TRIM26: variants seen among roughly 807,000 people sequenced by gnomAD.
The protein encoded by TRIM26 is tripartite motif containing 26, also known as tripartite motif-containing protein 26.
Under a neutral mutation model 45.5 loss-of-function variants are expected in TRIM26, and 16 were observed. The ratio of observed to expected loss-of-function variants is 0.35; its 90% CI spans 0.24 to 0.53. The LOEUF is 0.53. Among genes scored for constraint, TRIM26 ranks in the 20% least tolerant of loss-of-function variants. The probability of loss-of-function intolerance (pLI) is 0.92; values close to 1 mark genes in which losing one functional copy is unlikely to be tolerated. For missense variants in TRIM26, 442 were observed against 691.1 expected, an observed-to-expected ratio of 0.64 and a Z score of 4.04; for synonymous variants, 273 against 290.4, an observed-to-expected ratio of 0.94 and a Z score of 0.61.
At position 30,184,545 on chromosome 6, in the gene TRIM26, C is replaced by T. The variant is rs763838656; in HGVS notation, c.*1331G>A. ...TACAAGAGTAGTATAAGATGTTATC[C>T]GCCCTCCAGGAGCTTACAAAACTAG... On this transcript the variant is annotated 3_prime_UTR_variant, in exon 10 of 10. Coordinates refer to ENST00000454678, the MANE Select transcript of TRIM26 (RefSeq NM_003449.5). 3.4e-4 allele frequency: 52 copies of T among 152,476 alleles called. No homozygotes were observed. The highest frequency in any genetic ancestry group is 1.2e-3 in the African/African-American group (48 of 41,432). The allele number at this position is 152,476 out of a possible 1,614,324, so 9.4% of individuals were successfully genotyped here.
At chr6:30,199,829 G>A (rs1173737238) in intron 3 of TRIM26, among the ~76,000 whole-genome samples, 1 of 152,046 alleles carries the variant, frequency 6.6e-6, no homozygotes, top group Non-Finnish European at 1.5e-5. Flanking sequence ...GTAGAGACGG[G>A]GTTTCACCGT....
intron 6 of TRIM26, among the ~76,000 whole-genome samples, chr6:30,193,025 T>C (rs564892856): frequency 6.7e-6 from 1 of 148,640 alleles, no homozygotes; most frequent in African/African-American, 2.5e-5. Flanking sequence ...TCTGCTTTTA[T>C]ATCAATACAT....
At position 30,198,235 on chromosome 6, in the gene TRIM26, A is replaced by C. The variant is rs998192833; in HGVS notation, c.534+194T>G. Reference sequence around the variant, plus strand: ...GCAGCCCACTTGTCTCTCAGACAAGAAACAGGCCCAAGACTACACGGCTCA... The same window carrying C: ...GCAGCCCACTTGTCTCTCAGACAAGCAACAGGCCCAAGACTACACGGCTCA... On this transcript the variant is annotated intron_variant, in intron 5 of 9. Coordinates refer to ENST00000454678, the MANE Select transcript of TRIM26 (RefSeq NM_003449.5). The surrounding 1 kb of genome is among the most constrained non-coding windows in gnomAD (Gnocchi z 6.3). Among the ~76,000 whole-genome samples, 15 of 152,224 alleles carry C rather than the reference A, an allele frequency of 9.9e-5. No homozygotes were observed. Among genetic ancestry groups the C allele is most frequent in the Admixed American group, 8.5e-4 (13 of 15,302 alleles).
Position 30,186,458 on chromosome 6 carries a change from C to A in TRIM26, c.1038G>T (p.Leu346=). The change falls in exon 10 of 10, where the codon CTG becomes CTT. Residue 346 remains leucine (L), a synonymous_variant. Transcript: ENST00000454678. The surrounding 1 kb of genome is among the most constrained non-coding windows in gnomAD (Gnocchi z 7.4). ...TYTSLYKSAY[L]HPQQFDCEPG... Reference sequence around the variant, plus strand: ...GCTCACAGTCAAACTGCTGGGGGTGCAGGTAGGCACTCTTGTACAGGCTGG... The same window carrying A: ...GCTCACAGTCAAACTGCTGGGGGTGAAGGTAGGCACTCTTGTACAGGCTGG... 1 of 1,593,474 alleles carries A rather than the reference C, an allele frequency of 6.3e-7. No homozygotes were observed. The highest frequency in any genetic ancestry group is 1.1e-5 in the South Asian group (1 of 86,984).
chr6:30,189,690 A>G lies in TRIM26; in HGVS notation c.789-157T>C. 2 of 685,830 alleles carry G rather than the reference A, an allele frequency of 2.9e-6. No homozygotes were observed. Among genetic ancestry groups the G allele is most frequent in the South Asian group, 3.7e-5 (2 of 54,258 alleles). The allele number at this position is 685,830 out of a possible 1,614,324, so 42.5% of individuals were successfully genotyped here. ...AACAGTGGCCCAAAGACACCAGCTG[A>G]ACCAGGGCTTCAGAACATCAGTAGA... On this transcript the variant is annotated intron_variant, in intron 7 of 9. Coordinates refer to ENST00000454678, the MANE Select transcript of TRIM26 (RefSeq NM_003449.5). This position sits in a 1 kb window ranked among gnomAD's most constrained non-coding sequence, Gnocchi z 5.0.
chr6:30,185,884 T>A lies in TRIM26; in HGVS notation c.1612A>T (p.Arg538Ter). ...GGGGCAGATGTCAGGGCTCAGGGTC[T>A]TAGCAGGAGGCGTGTTCCTGGCCAC... Reference protein sequence around the residue: ...LKWPGTRLLLRP With the variant: ...LKWPGTRLLL Residue 538 changes from arginine (R) to a stop codon, truncating the protein, a stop_gained, in exon 10 of 10, where the codon AGA becomes TGA. Transcript: ENST00000454678. LOFTEE classifies it high-confidence loss of function. This position sits in a 1 kb window ranked among gnomAD's most constrained non-coding sequence, Gnocchi z 5.7. 1 of 1,611,564 alleles carries A rather than the reference T, an allele frequency of 6.2e-7. No individual in the cohort carries two copies. The highest frequency in any genetic ancestry group is 8.5e-7 in the Non-Finnish European group (1 of 1,179,160).
At position 30,189,223 on chromosome 6, in the gene TRIM26, T is replaced by C. The variant is rs561455723; in HGVS notation, c.905-24A>G. ...CCCTGGGGAGAAAAAAGGACAGCAA[T>C]GACTCAAGTCCCGAAAATTTATGAG... is the stretch of plus-strand genomic sequence containing the variant. On this transcript the variant is annotated intron_variant, in intron 8 of 9. Coordinates refer to ENST00000454678, the MANE Select transcript of TRIM26 (RefSeq NM_003449.5). The surrounding 1 kb of genome is among the most constrained non-coding windows in gnomAD (Gnocchi z 5.0). The C allele has an allele frequency of 4.4e-4, 708 of 1,613,028 alleles. 6 individuals carry two copies. The South Asian group carries it at 7.0e-3, about 16-fold the overall frequency.
chr6:30,200,409 T>C (rs191264849), intron 3 of TRIM26, among the ~76,000 whole-genome samples: 87 of 152,364 alleles, frequency 5.7e-4, no homozygotes, highest in African/African-American at 2.0e-3. Context: ...TTTGTGAGTA[T>C]TTCCCTGGGC....
intron 6 of TRIM26, among the ~76,000 whole-genome samples, chr6:30,193,078 G>GTATA (rs1776027138): frequency 1.1e-5 from 1 of 90,826 alleles, no homozygotes; most frequent in Non-Finnish European, 2.2e-5. Context: ...ATATATATAT[G>GTATA]TATATATACA....
intron 6 of TRIM26, among the ~76,000 whole-genome samples, chr6:30,194,935 A>G (rs1309879212): frequency 3.3e-5 from 5 of 152,158 alleles, no homozygotes; most frequent in African/African-American, 1.2e-4. Context: ...CCATAAATAT[A>G]TACATTATAT....
chr6:30,193,391 A>G (rs1203118132), intron 6 of TRIM26, among the ~76,000 whole-genome samples: 2 of 151,034 alleles, frequency 1.3e-5, no homozygotes, highest in African/African-American at 4.9e-5. Context: ...CATGTTGGTC[A>G]GGCTGGTCTC....
intron 6 of TRIM26, among the ~76,000 whole-genome samples, chr6:30,194,089 T>A (rs1776223961): frequency 6.6e-6 from 1 of 152,198 alleles, no homozygotes; most frequent in South Asian, 2.1e-4. Flanking sequence ...TTACTAGGTA[T>A]TTATCCAAAG....
chr6:30,189,976 G>T lies in TRIM26; in HGVS notation c.788+37C>A. 1 of 1,612,470 alleles carries T rather than the reference G, an allele frequency of 6.2e-7. No individual in the cohort carries two copies. On this transcript the variant is annotated intron_variant, in intron 7 of 9. Transcript: ENST00000454678. The surrounding 1 kb of genome is among the most constrained non-coding windows in gnomAD (Gnocchi z 5.0). Reference sequence around the variant, plus strand: ...TCAGAAGCGGGGGAACATAAACAAGGGGGATGAGGTACGCCATGGAGAGGA... The same window carrying T: ...TCAGAAGCGGGGGAACATAAACAAGTGGGATGAGGTACGCCATGGAGAGGA...
At position 30,193,911 on chromosome 6, in the gene TRIM26, T is replaced by A. The variant is rs147617038; in HGVS notation, c.765+2605A>T. Reference sequence around the variant, plus strand: ...TGTATTAAAAATGCAGTAGACTTTTTATGTTGATTTTGTATCCTGCAACTT... The same window carrying A: ...TGTATTAAAAATGCAGTAGACTTTTAATGTTGATTTTGTATCCTGCAACTT... On this transcript the variant is annotated intron_variant, in intron 6 of 9. Coordinates refer to ENST00000454678, the MANE Select transcript of TRIM26 (RefSeq NM_003449.5). Among the ~76,000 whole-genome samples, 143 of 152,372 alleles carry A rather than the reference T, an allele frequency of 9.4e-4. 1 individual carries two copies. Among genetic ancestry groups the A allele is most frequent in the African/African-American group, 3.1e-3 (130 of 41,586 alleles).
rs1449737501 is a variant in TRIM26 at position 30,190,416 on chromosome 6, C to T, written c.766-381G>A. ...CATGGTAAGGAGTTTCACTTTTGCT[C>T]CACGTACAGTGGAAACCCACCAAGG... is the stretch of plus-strand genomic sequence containing the variant. On this transcript the variant is annotated intron_variant, in intron 6 of 9. Coordinates refer to ENST00000454678, the MANE Select transcript of TRIM26 (RefSeq NM_003449.5). The surrounding 1 kb of genome is among the most constrained non-coding windows in gnomAD (Gnocchi z 4.3). 4 of 294,890 alleles carry T rather than the reference C, an allele frequency of 1.4e-5. No homozygotes were observed. The highest frequency in any genetic ancestry group is 2.6e-5 in the Non-Finnish European group (4 of 152,444). The allele number at this position is 294,890 out of a possible 1,614,324, so 18.3% of individuals were successfully genotyped here. A position where few individuals can be genotyped will look rare whatever the true frequency, so the allele number is the denominator to read the frequency against.
rs568037847 is a variant in TRIM26 at position 30,207,946 on chromosome 6, C to T, written c.-375-3181G>A. 1.2e-4 allele frequency among the ~76,000 whole-genome samples: 18 copies of T among 152,248 alleles called. No homozygotes were observed. In the South Asian group the frequency reaches 3.1e-3, roughly 26 times the overall value. ...CCACATGTAGTCTAGTTATACAGCC[C>T]CAAAACACCCCATGCTGCACCCTGT... On this transcript the variant is annotated intron_variant, in intron 1 of 9. Coordinates refer to ENST00000454678, the MANE Select transcript of TRIM26 (RefSeq NM_003449.5). This position sits in a 1 kb window ranked among gnomAD's most constrained non-coding sequence, Gnocchi z 4.9.
intron 9 of TRIM26, chr6:30,188,684 C>T: frequency 5.1e-6 from 1 of 196,846 alleles, no homozygotes; most frequent in African/African-American, 2.3e-5. Flanking sequence ...CCAGTCTTCA[C>T]AATCCAAGGG....
chr6:30,201,127 G>A lies in TRIM26; in HGVS notation c.-254C>T, dbSNP rs1479399099. The A allele has an allele frequency of 6.6e-6, 1 of 152,194 alleles. No individual in the cohort carries two copies. The highest frequency in any genetic ancestry group is 1.5e-5 in the Non-Finnish European group (1 of 68,036). The allele number at this position is 152,194 out of a possible 1,614,324, so 9.4% of individuals were successfully genotyped here. Reference sequence around the variant, plus strand: ...GGGCACAGAGGTGACTGCGAGGCTGGAATGAAGCAACCTGAATTACAGGCA... The same window carrying A: ...GGGCACAGAGGTGACTGCGAGGCTGAAATGAAGCAACCTGAATTACAGGCA... On this transcript the variant is annotated 5_prime_UTR_variant, in exon 3 of 10. Coordinates refer to ENST00000454678, the MANE Select transcript of TRIM26 (RefSeq NM_003449.5).
intron 9 of TRIM26, chr6:30,188,599 G>A: frequency 4.3e-6 from 1 of 231,622 alleles, no homozygotes; most frequent in Admixed American, 4.0e-5. Context: ...TCAGGGCCTC[G>A]TTTGCTCCCA....
Sources: allele counts gnomAD v4.1 joint callset (sites outside exome capture counted in the v4.1 genomes callset), GRCh38; gene constraint gnomAD v4.1.1; non-coding constraint Gnocchi (gnomAD v3.1); transcripts MANE v1.5; gene names NCBI Gene and HGNC (gene_info 2026-07-23, HGNC 2026-07-21).